The following DOCK10 variants were observed in gnomAD, a reference collection of about 807,000 sequenced individuals.
DOCK10 encodes the protein dedicator of cytokinesis protein 10.
DOCK10 carries 145 observed loss-of-function variants against 280.1 expected under a neutral mutation model. The observed-to-expected ratio is 0.52, with a 90% confidence interval of 0.45 to 0.59. DOCK10 has a LOEUF of 0.59. Ranked by LOEUF, DOCK10 falls within the 20% of genes least tolerant of loss-of-function variation. The pLI, the probability that DOCK10 is intolerant of heterozygous loss-of-function variation, is 0.00. For synonymous variants in DOCK10, 915 were observed against 942.2 expected (o/e 0.97, Z 0.53); for missense variants, 2,368 against 2,651.7 (o/e 0.89, Z 2.35).
intron 1 of DOCK10, among the ~76,000 whole-genome samples, chr2:225,014,275 T>TA (rs1256975958): frequency 6.6e-6 from 1 of 151,948 alleles, no homozygotes; most frequent in Non-Finnish European, 1.5e-5. Flanking sequence ...AAAGGTTTTT[T>TA]ATATATCCTT....
intron 28 of DOCK10, among the ~76,000 whole-genome samples, chr2:224,820,527 G>C (rs573688606): frequency 8.5e-5 from 13 of 152,314 alleles, no homozygotes; most frequent in Admixed American, 3.3e-4. Flanking sequence ...AAATTCCACA[G>C]CTGGTGTGGA....
intron 51 of DOCK10, among the ~76,000 whole-genome samples, chr2:224,777,743 A>C (rs922567165): frequency 6.6e-6 from 1 of 152,110 alleles, no homozygotes; most frequent in African/African-American, 2.4e-5. Flanking sequence ...TCATATATAC[A>C]TCTATTCTGT....
intron 14 of DOCK10, among the ~76,000 whole-genome samples, chr2:224,860,387 G>T (rs1697421452): frequency 6.6e-6 from 1 of 151,882 alleles, no homozygotes; most frequent in Non-Finnish European, 1.5e-5. Flanking sequence ...AATAATATTA[G>T]AAAAAATAAT....
In DOCK10 at chr2:224,862,745, T is replaced by C. The variant is rs1040870026; in HGVS notation, c.1604A>G (p.Tyr535Cys). The C allele has an allele frequency of 1.3e-6, 2 of 1,580,948 alleles. No individual in the cohort carries two copies. The highest frequency in any genetic ancestry group is 1.8e-5 in the Admixed American group (1 of 56,858). Residue 535 changes from tyrosine to cysteine, a missense_variant and splice_region_variant, in exon 14 of 56, where the codon TAT becomes TGT. Around this residue, in one of 2 missense-constraint regions of DOCK10, gnomAD observed 1,209 missense variants for 1,250.9 expected, o/e 0.97. Transcript: ENST00000258390. The stretch of plus-strand genomic sequence containing the variant: ...GTTGGATTTTAGTATCTTTTGTGCA[T>C]ACTAAAGAAAAAATAAATACAAATA... ...PYIKNPDSNK[Y>C]AQKILKSNRQ...
chr2:224,982,575 AGGAATATTAGAGCACTGCGCT>A, intron 1 of DOCK10: 1 of 1,169,566 alleles, frequency 8.6e-7, no homozygotes, highest in Non-Finnish European at 1.1e-6. Flanking sequence ...GAACACACTC[AGGAATATTAGAGCACTGCGCT>A]CAGAAAGTAT....
At position 224,999,320 on chromosome 2, in the gene DOCK10, C is replaced by T. The variant is rs531710208; in HGVS notation, c.123+42932G>A. On this transcript the variant is annotated intron_variant, in intron 1 of 55. Transcript: ENST00000258390. ...TTCCTGGCTTTAAAGATCCTCCTGA[C>T]TTGGCCATCATGCCCTACCTCATTC... Among the ~76,000 whole-genome samples, 14 of 151,844 alleles carry T rather than the reference C, an allele frequency of 9.2e-5. No homozygotes were observed. In the South Asian group the frequency reaches 2.7e-3, roughly 29 times the overall value.
rs77186138 is a variant in DOCK10, at chr2:224,951,686, C to T, written c.124-20018G>A. Reference sequence around the variant, plus strand: ...TGATCTGTTTTCATGGGTCAGAAATCTGCATTCAGTGCGGCTCAGCTGACT... The same window carrying T: ...TGATCTGTTTTCATGGGTCAGAAATTTGCATTCAGTGCGGCTCAGCTGACT... On this transcript the variant is annotated intron_variant, in intron 1 of 55. Transcript: ENST00000258390. Among the ~76,000 whole-genome samples, 1,298 of 152,338 alleles carry T rather than the reference C, an allele frequency of 8.5e-3. 22 individuals carry two copies. The highest frequency in any genetic ancestry group is 0.027 in the African/African-American group (1,133 of 41,576).
At chr2:224,998,564 C>G (rs2126280730) in intron 1 of DOCK10, among the ~76,000 whole-genome samples, 1 of 152,266 alleles carries the variant, frequency 6.6e-6, no homozygotes, top group South Asian at 2.1e-4. Context: ...TTCCCTTTAG[C>G]AGCATAAAAG....
rs1333932401 is a variant in DOCK10 at position 224,853,118 on chromosome 2, A to G, written c.1893T>C (p.Cys631=). Residue 631 remains cysteine (C), a synonymous_variant, in exon 17 of 56, where the codon TGT becomes TGC. Transcript: ENST00000258390. ...TGACAGGGATAAAGGACGATGTTAC[A>G]CAATCTTAAAAAATCAGAAAATAAG... ...VDNVPLEHPN[C]VTSSFIPVKP... 1 of 1,565,516 alleles carries G rather than the reference A, an allele frequency of 6.4e-7. No homozygotes were observed. The highest frequency in any genetic ancestry group is 1.9e-5 in the Admixed American group (1 of 52,776).
Position 224,844,818 on chromosome 2 carries a change from AT to A in DOCK10, c.2502del (p.Lys834AsnfsTer20). The A allele has an allele frequency of 6.2e-7, 1 of 1,607,954 alleles. No homozygotes were observed. The highest frequency in any genetic ancestry group is 8.5e-7 in the Non-Finnish European group (1 of 1,176,884). On this transcript the variant is annotated frameshift_variant, in exon 22 of 56. Coordinates refer to ENST00000258390, the MANE Select transcript of DOCK10 (RefSeq NM_014689.3). LOFTEE classifies it high-confidence loss of function. The stretch of plus-strand genomic sequence containing the variant: ...AAAAGTGGTTTGCCACCATCAACCC[AT>A]TTAATGTCACTCCCACCATGCTGCA... ...ASGKHGGSDI[K>X]WVDGGKPLFK...
chr2:224,843,077 T>G (rs1696079535), intron 22 of DOCK10, among the ~76,000 whole-genome samples: 2 of 149,954 alleles, frequency 1.3e-5, no homozygotes, highest in African/African-American at 2.5e-5. Flanking sequence ...CGGGTGGGGG[T>G]GGCGGGGAAA....
intron 19 of DOCK10, among the ~76,000 whole-genome samples, chr2:224,848,535 T>C (rs1289967222): frequency 1.3e-5 from 2 of 152,226 alleles, no homozygotes; most frequent in Non-Finnish European, 2.9e-5. Flanking sequence ...TCACTTATTA[T>C]GTGCCCTTGG....
chr2:224,808,006 C>A lies in DOCK10; in HGVS notation c.3490G>T (p.Ala1164Ser). Reference sequence around the variant, plus strand: ...CTGACATCTTGGTCTTCCTGCAGGGCAAAGCCAACTTCTCGGAGCAGAATT... The same window carrying A: ...CTGACATCTTGGTCTTCCTGCAGGGAAAAGCCAACTTCTCGGAGCAGAATT... ...IGILLREVGF[A>S]LQEDQDVRHL... Residue 1164 changes from alanine to serine, a missense_variant, in exon 32 of 56, where the codon GCC becomes TCC. Around this residue, in one of 2 missense-constraint regions of DOCK10, gnomAD observed 1,159 missense variants for 1,400.8 expected, o/e 0.83. Coordinates refer to ENST00000258390, the MANE Select transcript of DOCK10 (RefSeq NM_014689.3). 1.2e-6 allele frequency: 2 copies of A among 1,612,866 alleles called. No homozygotes were observed. The highest frequency in any genetic ancestry group is 1.7e-6 in the Non-Finnish European group (2 of 1,179,380).
chr2:224,819,996 C>A (rs1694400482), intron 28 of DOCK10, among the ~76,000 whole-genome samples: 1 of 152,090 alleles, frequency 6.6e-6, no homozygotes, highest in Non-Finnish European at 1.5e-5. Context: ...TTATTATTTT[C>A]TTTTAATAAT....
intron 48 of DOCK10, 91 bp from the exon 49 acceptor site, chr2:224,787,488 C>A: frequency 6.6e-7 from 1 of 1,517,074 alleles, no homozygotes; most frequent in Non-Finnish European, 9.0e-7. Flanking sequence ...CATTGTCAAA[C>A]TTTTCCCTCT....
At position 224,941,197 on chromosome 2, in the gene DOCK10, C is replaced by CTT. The variant is rs545063311; in HGVS notation, c.124-9531_124-9530dup. ...AACCCTGGAAAAGAACATTACTGCT[C>CTT]TTTTTTTTTTTTTTTAGATGAGTAA... On this transcript the variant is annotated intron_variant, in intron 1 of 55. Transcript: ENST00000258390. Among the ~76,000 whole-genome samples the CTT allele has an allele frequency of 4.8e-4, 67 of 140,778 alleles. 1 individual carries two copies. The highest frequency in any genetic ancestry group is 7.1e-4 in the Admixed American group (10 of 14,140). 92.4% of individuals were successfully genotyped at this position (140,778 alleles called of 152,430 possible).
At chr2:225,028,661 G>T (rs1689988518) in intron 1 of DOCK10, among the ~76,000 whole-genome samples, 2 of 152,162 alleles carry the variant, frequency 1.3e-5, no homozygotes, top group Admixed American at 1.3e-4. Flanking sequence ...TCTGATCATT[G>T]AGGGCACTGA....
chr2:224,899,282 A>G (rs1394112973), intron 3 of DOCK10, among the ~76,000 whole-genome samples: 3 of 152,262 alleles, frequency 2.0e-5, no homozygotes, highest in African/African-American at 7.2e-5. Flanking sequence ...TTAACTAAGT[A>G]GAATAAAATA....
chr2:224,933,729 C>T (rs1323562276), intron 1 of DOCK10, among the ~76,000 whole-genome samples: 1 of 152,196 alleles, frequency 6.6e-6, no homozygotes, highest in Non-Finnish European at 1.5e-5. Context: ...TGGCTAATAA[C>T]ACTTTTATCT....
Sources: gnomAD v4.1 joint callset for allele counts (sites outside exome capture counted in the v4.1 genomes callset) on GRCh38, gnomAD v4.1.1 for gene constraint, gnomAD v4.1.1 regional missense constraint, MANE v1.5 for transcripts, NCBI Gene and HGNC (gene_info 2026-07-23, HGNC 2026-07-21) for gene names.